Variants in RPTOR observed in about 807,000 individuals in gnomAD.
The protein encoded by RPTOR is regulatory associated protein of MTOR complex 1.
A neutral mutation model predicts 169.9 loss-of-function variants in RPTOR; 21 were observed. The ratio of observed to expected loss-of-function variants is 0.12; its 90% CI spans 0.09 to 0.18. The LOEUF (loss-of-function observed/expected upper bound fraction) is 0.18, where lower values mean the gene tolerates loss of function less well. RPTOR is among the 10% of genes least tolerant of loss of function. The pLI is 1.00. For missense variants in RPTOR, 1,133 were observed against 1,855.9 expected (o/e 0.61, Z 7.16); for synonymous variants, 732 against 753.2 (o/e 0.97, Z 0.46).
Position 80,959,965 on chromosome 17 carries a change from G to A in RPTOR, c.3478-113G>A. 7.5e-7 allele frequency: 1 copy of A among 1,339,712 alleles called. No homozygotes were observed. Among genetic ancestry groups the A allele is most frequent in the South Asian group, 1.3e-5 (1 of 77,552 alleles). The allele number at this position is 1,339,712 out of a possible 1,614,324, so 83.0% of individuals were successfully genotyped here. On this transcript the variant is annotated intron_variant, in intron 29 of 33. Transcript: ENST00000306801. The surrounding 1 kb of genome is among the most constrained non-coding windows in gnomAD (Gnocchi z 6.7). The stretch of plus-strand genomic sequence containing the variant: ...AGAGAGAAAGGCCCCTGCAGCCAGG[G>A]AGGGTGATCCCCACAGCCAGGCAGG...
At chr17:80,627,795 A>C (rs1209251963) in intron 2 of RPTOR, among the ~76,000 whole-genome samples, 1 of 151,848 alleles carries the variant, frequency 6.6e-6, no homozygotes, top group East Asian at 1.9e-4. Flanking sequence ...GTTAATATTT[A>C]GGACTGTGAT....
At chr17:80,603,376 A>G (rs957404910) in intron 1 of RPTOR, among the ~76,000 whole-genome samples, 9 of 152,376 alleles carry the variant, frequency 5.9e-5, no homozygotes, top group East Asian at 3.9e-4. Flanking sequence ...GCGAACACGC[A>G]TTGAATTCAG....
chr17:80,728,446 G>GGTGTGTGTGTATGTGT (rs1555612019), intron 4 of RPTOR, among the ~76,000 whole-genome samples: 2 of 148,176 alleles, frequency 1.3e-5, no homozygotes, highest in Non-Finnish European at 3.0e-5. Context: ...TCCACTCTGG[G>GGTGTGTGTGTATGTGT]GTGTGTGTGT....
chr17:80,624,405 A>G (rs981759097), intron 1 of RPTOR, among the ~76,000 whole-genome samples: 8 of 152,258 alleles, frequency 5.3e-5, no homozygotes, highest in African/African-American at 1.9e-4. Context: ...GGATTAAAAG[A>G]TTGAAGAACT....
At position 80,849,385 on chromosome 17, in the gene RPTOR, C is replaced by T. The variant is rs931767777; in HGVS notation, c.1314+2811C>T. On this transcript the variant is annotated intron_variant, in intron 11 of 33. Coordinates refer to ENST00000306801, the MANE Select transcript of RPTOR (RefSeq NM_020761.3). The stretch of plus-strand genomic sequence containing the variant: ...GCTGATTCGCAGCCCCTCCTGTAAA[C>T]GTGAGCATGGAACAGGCCCTTCCTG... Among the ~76,000 whole-genome samples, 6 of 152,336 alleles carry T rather than the reference C, an allele frequency of 3.9e-5. No homozygotes were observed. The South Asian group carries it at 1.2e-3, about 32-fold the overall frequency.
At position 80,730,979 on chromosome 17, in the gene RPTOR, T is replaced by G. The variant is rs1366955536; in HGVS notation, c.654+273T>G. 1.3e-5 allele frequency among the ~76,000 whole-genome samples: 2 copies of G among 152,180 alleles called. No homozygotes were observed. Among genetic ancestry groups the G allele is most frequent in the African/African-American group, 4.8e-5 (2 of 41,462 alleles). ...ATGTCTGTCACCTGAGCCCAAGCAATCTTCCCTTCTCAGCCTCCTGAGTAG... is the reference window on the plus strand; with the variant it reads ...ATGTCTGTCACCTGAGCCCAAGCAAGCTTCCCTTCTCAGCCTCCTGAGTAG... On this transcript the variant is annotated intron_variant, in intron 5 of 33. Coordinates refer to ENST00000306801, the MANE Select transcript of RPTOR (RefSeq NM_020761.3). The surrounding 1 kb of genome is among the most constrained non-coding windows in gnomAD (Gnocchi z 4.2).
At chr17:80,737,322 C>T (rs1426632654) in intron 5 of RPTOR, among the ~76,000 whole-genome samples, 1 of 152,150 alleles carries the variant, frequency 6.6e-6, no homozygotes, top group Non-Finnish European at 1.5e-5. Flanking sequence ...GCCCCCATGC[C>T]GAGGTCTTTA....
intron 3 of RPTOR, among the ~76,000 whole-genome samples, chr17:80,701,459 C>T (rs1198323237): frequency 6.6e-6 from 1 of 152,110 alleles, no homozygotes; most frequent in Non-Finnish European, 1.5e-5. Flanking sequence ...GGAGGCGAGG[C>T]CTTCCAGGGA....
intron 3 of RPTOR, among the ~76,000 whole-genome samples, chr17:80,676,895 TGCC>T (rs1025304360): frequency 6.6e-6 from 1 of 152,154 alleles, no homozygotes; most frequent in African/African-American, 2.4e-5. Context: ...CTTTACCTAG[TGCC>T]GCCTCATCTG....
intron 28 of RPTOR, among the ~76,000 whole-genome samples, chr17:80,953,560 G>A (rs770898402): frequency 1.3e-5 from 2 of 152,276 alleles, no homozygotes; most frequent in Non-Finnish European, 2.9e-5. Context: ...CGCAGCCTCC[G>A]GATGGCCGTG....
intron 1 of RPTOR, among the ~76,000 whole-genome samples, chr17:80,561,418 A>G (rs1365159053): frequency 2.0e-5 from 3 of 149,172 alleles, no homozygotes; most frequent in Admixed American, 1.3e-4. Context: ...CTAGAATGGC[A>G]TTTTATTTTA....
At chr17:80,561,958 G>C (rs1001361027) in intron 1 of RPTOR, among the ~76,000 whole-genome samples, 5 of 152,156 alleles carry the variant, frequency 3.3e-5, no homozygotes, top group African/African-American at 1.2e-4. Context: ...ATGTCTGTAT[G>C]TATGTGTGTA....
At chr17:80,863,561 C>T (rs2067944844) in intron 13 of RPTOR, among the ~76,000 whole-genome samples, 1 of 152,114 alleles carries the variant, frequency 6.6e-6, no homozygotes, top group Admixed American at 6.5e-5. Flanking sequence ...ATGAAAACTG[C>T]AATATGTGAT....
intron 1 of RPTOR, among the ~76,000 whole-genome samples, chr17:80,591,939 A>G (rs1415399273): frequency 6.6e-6 from 1 of 152,052 alleles, no homozygotes; most frequent in African/African-American, 2.4e-5. Flanking sequence ...CTTCTTTGTT[A>G]TCTGTTTGCT....
intron 7 of RPTOR, among the ~76,000 whole-genome samples, chr17:80,793,337 C>T (rs1471277561): frequency 2.6e-5 from 4 of 152,168 alleles, no homozygotes. Flanking sequence ...TATTATATAT[C>T]TAATTTCTTA....
At chr17:80,904,648 C>T (rs2068518401) in intron 20 of RPTOR, among the ~76,000 whole-genome samples, 1 of 152,154 alleles carries the variant, frequency 6.6e-6, no homozygotes, top group Admixed American at 6.5e-5. Context: ...TCAACATCCC[C>T]GGTCCCTGAC....
Position 80,545,469 on chromosome 17 carries a change from C to A in RPTOR, c.-161C>A. The A allele has an allele frequency of 1.8e-6, 1 of 553,468 alleles. No individual in the cohort carries two copies. The highest frequency in any genetic ancestry group is 3.2e-6 in the Non-Finnish European group (1 of 315,730). The allele number at this position is 553,468 out of a possible 1,614,324, so 34.3% of individuals were successfully genotyped here. On this transcript the variant is annotated 5_prime_UTR_variant, in exon 1 of 34. Transcript: ENST00000306801. ...CGCTCAGAGTTAGAGATAAGGATCT[C>A]AGACTTTTGCCTGAGTAAGGGTCTC... is the stretch of plus-strand genomic sequence containing the variant.
chr17:80,566,910 A>T (rs996761994), intron 1 of RPTOR, among the ~76,000 whole-genome samples: 2 of 149,774 alleles, frequency 1.3e-5, no homozygotes, highest in East Asian at 3.9e-4. Flanking sequence ...TTTTAGTGTT[A>T]GTTTAAACAG....
chr17:80,692,278 CGTTATGTTATGTTATGTTATGTTAT>C (rs71367010), intron 3 of RPTOR, among the ~76,000 whole-genome samples: 53 of 145,484 alleles, frequency 3.6e-4, no homozygotes, highest in South Asian at 1.6e-3. Flanking sequence ...TGTCTGGCTA[CGTTATGTTATGTTATGTTATGTTAT>C]GTTATGTTAT....
Sources: allele counts gnomAD v4.1 joint callset (sites outside exome capture counted in the v4.1 genomes callset), GRCh38; gene constraint gnomAD v4.1.1; non-coding constraint Gnocchi (gnomAD v3.1); transcripts MANE v1.5; gene names NCBI Gene and HGNC (gene_info 2026-07-23, HGNC 2026-07-21).